Variants in LRP2 observed in about 807,000 individuals in gnomAD.
The protein encoded by LRP2 is low-density lipoprotein receptor-related protein 2.
LRP2 carries 172 observed loss-of-function variants against 531.0 expected under a neutral mutation model. The ratio of observed to expected loss-of-function variants is 0.32; its 90% CI spans 0.29 to 0.37. The LOEUF (loss-of-function observed/expected upper bound fraction) is 0.37, where lower values mean the gene tolerates loss of function less well. Among genes scored for constraint, LRP2 ranks in the 10% least tolerant of loss-of-function variants. The probability of loss-of-function intolerance (pLI) is 1.00; values close to 1 mark genes in which losing one functional copy is unlikely to be tolerated. For synonymous variants in LRP2, 1,992 were observed against 2,027.6 expected, an observed-to-expected ratio of 0.98 and a Z score of 0.47; for missense variants, 5,167 against 5,868.3, an observed-to-expected ratio of 0.88 and a Z score of 3.90.
At chr2:169,278,400 C>G (rs1016004747) in intron 12 of LRP2, among the ~76,000 whole-genome samples, 3 of 151,988 alleles carry the variant, frequency 2.0e-5, no homozygotes, top group African/African-American at 4.8e-5. Flanking sequence ...GGGAGGATTG[C>G]TTGAGCCCAG....
In LRP2 at chr2:169,210,684, G is replaced by C. The variant is rs771770594; in HGVS notation, c.6281-1043C>G. On this transcript the variant is annotated intron_variant, in intron 37 of 78. Transcript: ENST00000649046. ...GGAAGAAACTAATGAGATATTCCCA[G>C]TGCAGTGCATGAATCTTGATTAGAT... is the stretch of plus-strand genomic sequence containing the variant. Among the ~76,000 whole-genome samples the C allele has an allele frequency of 3.7e-4, 56 of 152,318 alleles. 1 individual carries two copies. The highest frequency in any genetic ancestry group is 6.5e-4 in the Non-Finnish European group (44 of 68,028).
chr2:169,132,736 A>C, intron 76 of LRP2, 55 bp from the exon 77 acceptor site: 1 of 888,666 alleles, frequency 1.1e-6, no homozygotes, highest in Non-Finnish European at 1.9e-6. Flanking sequence ...GTAGTAAATA[A>C]ATTTGCTGTA....
intron 1 of LRP2, among the ~76,000 whole-genome samples, chr2:169,327,769 C>T (rs1685134590): frequency 7.7e-6 from 1 of 129,312 alleles, no homozygotes; most frequent in African/African-American, 3.0e-5. Flanking sequence ...GGGGTCAGCC[C>T]CCCGCCCGGC....
In LRP2 at chr2:169,206,201, A is replaced by AGG. The variant is rs1357950434; in HGVS notation, c.7391-15_7391-14dup. 1.5e-5 allele frequency: 24 copies of AGG among 1,614,086 alleles called. No individual in the cohort carries two copies. The highest frequency in any genetic ancestry group is 1.9e-5 in the Non-Finnish European group (22 of 1,180,036). ...GCAGTCCCTATACCTGGACACATAC[A>AGG]GGCAGACACACACACAAGCACACAC... On this transcript the variant is annotated splice_polypyrimidine_tract_variant and intron_variant, in intron 39 of 78. Coordinates refer to ENST00000649046, the MANE Select transcript of LRP2 (RefSeq NM_004525.3).
rs1224385340 is a variant in LRP2, at chr2:169,243,442, C to T, written c.3511G>A (p.Asp1171Asn). 1 of 1,614,178 alleles carries T rather than the reference C, an allele frequency of 6.2e-7. No individual in the cohort carries two copies. Among genetic ancestry groups the T allele is most frequent in the Admixed American group, 1.7e-5 (1 of 60,026 alleles). Residue 1171 changes from aspartate (D) to asparagine (N), a missense_variant, in exon 23 of 79, where the codon GAC becomes AAC. By Grantham distance (23) the Asp-to-Asn change is conservative (BLOSUM62 1). Coordinates refer to ENST00000649046, the MANE Select transcript of LRP2 (RefSeq NM_004525.3). ...CIDLSFVCDG[D>N]KDCVDGSDEV... ...TCAGATCCATCAACACAATCCTTGT[C>T]ACCATCACAGACAAACGATAGGTCA...
At chr2:169,191,801 ATG>A (rs773033324) in intron 48 of LRP2, 29 bp downstream of exon 48, 3 of 1,599,950 alleles carry the variant, frequency 1.9e-6, no homozygotes, top group Non-Finnish European at 2.6e-6. Context: ...CATTTGAGGC[ATG>A]CTGGGTAACT....
chr2:169,362,510 G>T lies in LRP2; in HGVS notation c.-111C>A. On this transcript the variant is annotated 5_prime_UTR_variant, in exon 1 of 79. Transcript: ENST00000649046. ...AACGCTCCTTTAGGTCTGCACCTCC[G>T]CCAGCTCCTAGTGGCCAAAAGCCTG... 1.0e-6 allele frequency: 1 copy of T among 959,700 alleles called. No homozygotes were observed. The highest frequency in any genetic ancestry group is 1.6e-6 in the Non-Finnish European group (1 of 624,034). 59.4% of individuals were successfully genotyped at this position (959,700 alleles called of 1,614,324 possible). A position where few individuals can be genotyped will look rare whatever the true frequency, so the allele number is the denominator to read the frequency against.
At chr2:169,350,187 G>A (rs967393393) in intron 1 of LRP2, among the ~76,000 whole-genome samples, 2 of 152,196 alleles carry the variant, frequency 1.3e-5, no homozygotes, top group African/African-American at 4.8e-5. Context: ...TGAGGCTTGA[G>A]CAAGGATGAG....
At chr2:169,330,592 G>A (rs1443364104) in intron 1 of LRP2, among the ~76,000 whole-genome samples, 1 of 152,144 alleles carries the variant, frequency 6.6e-6, no homozygotes. Context: ...TTCTTCAGAG[G>A]ACGCTATCGC....
chr2:169,139,149 G>A (rs770106169), intron 74 of LRP2, 102 bp downstream of exon 74: 634 of 1,538,266 alleles, frequency 4.1e-4, no homozygotes, highest in African/African-American at 2.2e-3. Flanking sequence ...GGTGAACTGC[G>A]TATTGTGCTT....
chr2:169,245,362 C>T (rs538858375), intron 21 of LRP2, among the ~76,000 whole-genome samples: 11 of 152,126 alleles, frequency 7.2e-5, no homozygotes, highest in Admixed American at 7.2e-4. Context: ...CTATAGAAAG[C>T]TTGAAAATAT....
chr2:169,186,670 G>A (rs944816317), intron 49 of LRP2, among the ~76,000 whole-genome samples: 3 of 152,112 alleles, frequency 2.0e-5, no homozygotes, highest in African/African-American at 7.2e-5. Context: ...CAAACAATTC[G>A]TTTCCCATCT....
At chr2:169,196,758 T>C (rs896784608) in intron 46 of LRP2, among the ~76,000 whole-genome samples, 153 bp downstream of exon 46, 2 of 152,212 alleles carry the variant, frequency 1.3e-5, no homozygotes, top group African/African-American at 2.4e-5. Context: ...TTAATGAATA[T>C]CCGCTGAGCG....
chr2:169,150,311 C>G (rs1686074739), intron 68 of LRP2, among the ~76,000 whole-genome samples: 1 of 151,900 alleles, frequency 6.6e-6, no homozygotes, highest in Non-Finnish European at 1.5e-5. Flanking sequence ...ATGTAAATAC[C>G]AAGTCATTTC....
intron 76 of LRP2, among the ~76,000 whole-genome samples, 169 bp downstream of exon 76, chr2:169,137,223 T>G (rs924571803): frequency 6.6e-6 from 1 of 152,242 alleles, no homozygotes; most frequent in Non-Finnish European, 1.5e-5. Flanking sequence ...TTTCAGGTCT[T>G]ATGTCCTTGG....
intron 43 of LRP2, 39 bp downstream of exon 43, chr2:169,202,716 GC>G: frequency 6.3e-7 from 1 of 1,590,042 alleles, no homozygotes; most frequent in Non-Finnish European, 8.6e-7. Flanking sequence ...ACATCAAGAT[GC>G]CATTAGCTCC....
intron 4 of LRP2, 29 bp from the exon 5 acceptor site, chr2:169,294,739 A>G: frequency 9.5e-7 from 1 of 1,049,130 alleles, no homozygotes; most frequent in Non-Finnish European, 1.4e-6. Flanking sequence ...AAAAAAAAAA[A>G]AGGAAAAGGA....
intron 4 of LRP2, among the ~76,000 whole-genome samples, chr2:169,304,949 C>A (rs1684376662): frequency 6.6e-6 from 1 of 152,058 alleles, no homozygotes; most frequent in South Asian, 2.1e-4. Context: ...TCATTCTCAG[C>A]AAACTAACAC....
intron 9 of LRP2, among the ~76,000 whole-genome samples, chr2:169,285,380 T>C (rs1241934878): frequency 6.6e-6 from 1 of 152,046 alleles, no homozygotes; most frequent in Non-Finnish European, 1.5e-5. Flanking sequence ...TAGAGGAATA[T>C]GAAGGTTAAT....
Sources: allele counts gnomAD v4.1 joint callset (sites outside exome capture counted in the v4.1 genomes callset), GRCh38; gene constraint gnomAD v4.1.1; transcripts MANE v1.5; gene names NCBI Gene and HGNC (gene_info 2026-07-23, HGNC 2026-07-21).